The following CPE variants were observed in gnomAD, a reference collection of about 807,000 sequenced individuals.
The protein encoded by CPE is carboxypeptidase E, also known as carbocypeptidase E.
A neutral mutation model predicts 53.5 loss-of-function variants in CPE; 17 were observed. That is an observed-to-expected ratio of 0.32 (90% CI 0.22 to 0.48). The LOEUF (loss-of-function observed/expected upper bound fraction) is 0.48. Among genes scored for constraint, CPE ranks in the 20% least tolerant of loss-of-function variants. CPE has a pLI of 0.99. For missense variants in CPE, 524 were observed against 614.7 expected (o/e 0.85, Z 1.56); for synonymous variants, 226 against 228.8 (o/e 0.99, Z 0.11).
chr4:165,427,994 C>T (rs762691720), intron 1 of CPE, among the ~76,000 whole-genome samples: 7 of 148,080 alleles, frequency 4.7e-5, no homozygotes, highest in Non-Finnish European at 7.5e-5. Flanking sequence ...CATTTTTATG[C>T]TGTATTTTCA....
Position 165,495,645 on chromosome 4 carries a change from A to G in CPE, c.1300A>G (p.Lys434Glu), listed in dbSNP as rs1165929077. The change falls in exon 8 of 9, where the codon AAA (lysine) becomes GAA (glutamate). Residue 434 changes from lysine (K) to glutamate (E), a missense_variant. Coordinates refer to ENST00000402744, the MANE Select transcript of CPE (RefSeq NM_001873.4). ...TCCAGGCTATCTGGCAATAACAAAG[A>G]AAGTGGCAGTTCCTTACAGCCCTGC... ...SAPGYLAITK[K>E]VAVPYSPAAG... is the part of the protein sequence containing the mutation. 1 of 1,613,924 alleles carries G rather than the reference A, an allele frequency of 6.2e-7. No individual in the cohort carries two copies.
At chr4:165,412,003 C>T (rs1297967004) in intron 1 of CPE, among the ~76,000 whole-genome samples, 1 of 152,114 alleles carries the variant, frequency 6.6e-6, no homozygotes, top group Non-Finnish European at 1.5e-5. Context: ...TCATTGGTAA[C>T]TATTTTGGTC....
chr4:165,405,262 A>G, intron 1 of CPE: 1 of 917,130 alleles, frequency 1.1e-6, no homozygotes, highest in Middle Eastern at 2.9e-4. Context: ...TCCCTGCACC[A>G]GGAATAGCCA....
chr4:165,429,700 TA>T (rs35818467), intron 1 of CPE, among the ~76,000 whole-genome samples: 358 of 146,524 alleles, frequency 2.4e-3, no homozygotes, highest in African/African-American at 6.5e-3. Context: ...AGACCCTGTT[TA>T]AAAAAAAAAA....
intron 1 of CPE, among the ~76,000 whole-genome samples, chr4:165,380,704 T>C (rs1730494024): frequency 6.6e-6 from 1 of 152,194 alleles, no homozygotes; most frequent in African/African-American, 2.4e-5. Flanking sequence ...CAATAGACAT[T>C]TTGATCTTCA....
chr4:165,472,137 T>A (rs1227049421), intron 3 of CPE, among the ~76,000 whole-genome samples: 1 of 152,218 alleles, frequency 6.6e-6, no homozygotes, highest in African/African-American at 2.4e-5. Flanking sequence ...AAGCAAAAAG[T>A]CATAAAAGGA....
intron 1 of CPE, among the ~76,000 whole-genome samples, chr4:165,420,579 T>G (rs911093272): frequency 2.6e-5 from 4 of 151,814 alleles, no homozygotes; most frequent in African/African-American, 9.7e-5. Flanking sequence ...GTTTTTTTTC[T>G]GAGTGTACTA....
In CPE at chr4:165,444,076, T is replaced by C. The variant is rs1284649219; in HGVS notation, c.308-20314T>C. Among the ~76,000 whole-genome samples the C allele has an allele frequency of 2.0e-5, 3 of 152,198 alleles. No individual in the cohort carries two copies. In the South Asian group the frequency reaches 6.2e-4, roughly 31 times the overall value. ...TCTTATTTATCAGTTACGCAGTTTA[T>C]GGTGTTTGTTGTAACAGCCTGAATG... On this transcript the variant is annotated intron_variant, in intron 1 of 8. Coordinates refer to ENST00000402744, the MANE Select transcript of CPE (RefSeq NM_001873.4).
chr4:165,438,577 T>G (rs1731552238), intron 1 of CPE, among the ~76,000 whole-genome samples: 1 of 152,188 alleles, frequency 6.6e-6, no homozygotes, highest in Non-Finnish European at 1.5e-5. Flanking sequence ...CCCTTGCTCC[T>G]GGGTCCTACA....
chr4:165,486,295 A>C (rs1477732388), intron 5 of CPE, among the ~76,000 whole-genome samples: 1 of 152,194 alleles, frequency 6.6e-6, no homozygotes, highest in Non-Finnish European at 1.5e-5. Flanking sequence ...TCTGGTGGGC[A>C]CTAACAGCAT....
chr4:165,467,112 C>T (rs549273892), intron 2 of CPE, among the ~76,000 whole-genome samples: 1 of 152,240 alleles, frequency 6.6e-6, no homozygotes, highest in African/African-American at 2.4e-5. Context: ...TGCTTAAGGC[C>T]AGGAGTTTGA....
chr4:165,453,332 TTTCCTTCC>T, intron 1 of CPE, among the ~76,000 whole-genome samples: 1 of 149,570 alleles, frequency 6.7e-6, no homozygotes, highest in African/African-American at 2.5e-5. Flanking sequence ...TCCTTCCTTC[TTTCCTTCC>T]TTCCTTCCTT....
chr4:165,417,223 TC>T (rs1731139253), intron 1 of CPE, among the ~76,000 whole-genome samples: 1 of 145,326 alleles, frequency 6.9e-6, no homozygotes. Flanking sequence ...TGTCCAATTC[TC>T]CTTAGTTTAG....
chr4:165,384,957 T>A (rs891810504), intron 1 of CPE, among the ~76,000 whole-genome samples: 7 of 152,224 alleles, frequency 4.6e-5, no homozygotes, highest in Non-Finnish European at 8.8e-5. Context: ...GTTTGTTTGC[T>A]TTTTTCTCTC....
chr4:165,486,922 A>T lies in CPE; in HGVS notation c.974-516A>T, dbSNP rs191781024. On this transcript the variant is annotated intron_variant, in intron 5 of 8. Coordinates refer to ENST00000402744, the MANE Select transcript of CPE (RefSeq NM_001873.4). ...TTTGGCAAAGAAATCTCCTAAAACA[A>T]TTGAGACTTGTCTCATCATTTTCCT... Among the ~76,000 whole-genome samples the T allele has an allele frequency of 8.4e-3, 1,283 of 152,226 alleles. 16 individuals carry two copies. The highest frequency in any genetic ancestry group is 0.029 in the African/African-American group (1,214 of 41,500).
intron 1 of CPE, among the ~76,000 whole-genome samples, chr4:165,417,469 CAG>C (rs1055754567): frequency 2.7e-5 from 4 of 150,378 alleles, no homozygotes; most frequent in Admixed American, 1.3e-4. Flanking sequence ...GAAATAGACT[CAG>C]AGAGTTTAAT....
chr4:165,494,927 G>A (rs17046551), intron 7 of CPE, among the ~76,000 whole-genome samples: 12,664 of 152,230 alleles, frequency 0.083, 689 homozygotes, highest in African/African-American at 0.15. Context: ...GCTCTTCAAA[G>A]TGTGGCCTCT....
intron 1 of CPE, among the ~76,000 whole-genome samples, chr4:165,457,246 C>G (rs977871158): frequency 6.6e-6 from 1 of 152,116 alleles, no homozygotes; most frequent in African/African-American, 2.4e-5. Context: ...AGTGACCACA[C>G]ATTAGTAGCT....
chr4:165,462,128 C>T (rs1452231904), intron 1 of CPE, among the ~76,000 whole-genome samples: 1 of 152,150 alleles, frequency 6.6e-6, no homozygotes, highest in Non-Finnish European at 1.5e-5. Flanking sequence ...CCATGTCATA[C>T]ATTTTCTGAG....
Sources: gnomAD v4.1 joint callset for allele counts (sites outside exome capture counted in the v4.1 genomes callset) on GRCh38, gnomAD v4.1.1 for gene constraint, MANE v1.5 for transcripts, NCBI Gene and HGNC (gene_info 2026-07-23, HGNC 2026-07-21) for gene names.